The following IRAK1BP1 variants were observed in gnomAD, a reference collection of about 807,000 sequenced individuals.
IRAK1BP1 encodes interleukin-1 receptor-associated kinase 1-binding protein 1.
A neutral mutation model predicts 28.0 loss-of-function variants in IRAK1BP1; 24 were observed. The ratio of observed to expected loss-of-function variants is 0.86; its 90% confidence interval spans 0.62 to 1.20. IRAK1BP1 has a LOEUF of 1.20. Ranked by LOEUF, IRAK1BP1 falls within the 50% of genes most tolerant of loss-of-function variation. The pLI is 0.00. For missense variants in IRAK1BP1, 336 were observed against 316.7 expected (o/e 1.06, Z -0.46); for synonymous variants, 131 against 116.3 (o/e 1.13, Z -0.81).
At chr6:78,931,861 C>T (rs1172693952) in intron 4 of IRAK1BP1, among the ~76,000 whole-genome samples, 3 of 152,154 alleles carry the variant, frequency 2.0e-5, no homozygotes, top group Non-Finnish European at 4.4e-5. Context: ...ATCCATTGGA[C>T]TCTTCCTTTC....
the IRAK1BP1 span, among the ~76,000 whole-genome samples, chr6:78,960,096 G>A: frequency 2.0e-5 from 3 of 152,008 alleles, no homozygotes; most frequent in Non-Finnish European, 4.4e-5. Context: ...TACATCACAA[G>A]CCCAGAAAAA....
At position 78,898,413 on chromosome 6, in the gene IRAK1BP1, T is replaced by C. The variant is rs1182100290; in HGVS notation, c.*79T>C. 1 of 111,612 alleles carries C rather than the reference T, an allele frequency of 9.0e-6. No homozygotes were observed. Among genetic ancestry groups the C allele is most frequent in the Admixed American group, 9.4e-5 (1 of 10,616 alleles). The allele number at this position is 111,612 out of a possible 1,614,324, so 6.9% of individuals were successfully genotyped here. A position where few individuals can be genotyped will look rare whatever the true frequency, so the allele number is the denominator to read the frequency against. On this transcript the variant is annotated 3_prime_UTR_variant, in exon 4 of 4. Transcript: ENST00000369940. ...TTATAATGTTTACGTTTGTCCTGAA[T>C]ATATATATATATATATATATATATA...
In IRAK1BP1 at chr6:78,898,431, T is replaced by TATATAC. The variant is rs1771980575; in HGVS notation, c.*102_*103insCATATA. On this transcript the variant is annotated 3_prime_UTR_variant, in exon 4 of 4. Coordinates refer to ENST00000369940, the MANE Select transcript of IRAK1BP1 (RefSeq NM_001010844.4). ...TCCTGAATATATATATATATATATATATATATATATATATGGTATAGGAGA... is the reference window on the plus strand; with the variant it reads ...TCCTGAATATATATATATATATATATATATACATATATATATATATGGTATAGGAGA... 6.1e-6 allele frequency: 1 copy of TATATAC among 164,236 alleles called. No individual in the cohort carries two copies. The highest frequency in any genetic ancestry group is 6.9e-5 in the Admixed American group (1 of 14,402). The allele number at this position is 164,236 out of a possible 1,614,324, so 10.2% of individuals were successfully genotyped here.
rs926360997 is a variant in IRAK1BP1, at chr6:78,902,448, C to T, written c.*4114C>T. 2 of 153,238 alleles carry T rather than the reference C, an allele frequency of 1.3e-5. No individual in the cohort carries two copies. Among genetic ancestry groups the T allele is most frequent in the Non-Finnish European group, 2.9e-5 (2 of 68,760 alleles). 9.5% of individuals were successfully genotyped at this position (153,238 alleles called of 1,614,324 possible). A position where few individuals can be genotyped will look rare whatever the true frequency, so the allele number is the denominator to read the frequency against. ...CACCCAGCCCCAAATAGCTTCTACTCATAACCTAGTGTGGCCTAAATTTAT... is the reference window on the plus strand; with the variant it reads ...CACCCAGCCCCAAATAGCTTCTACTTATAACCTAGTGTGGCCTAAATTTAT... On this transcript the variant is annotated 3_prime_UTR_variant, in exon 4 of 4. Transcript: ENST00000369940.
chr6:78,919,006 A>G (rs1239886880), intron 4 of IRAK1BP1, among the ~76,000 whole-genome samples: 1 of 152,192 alleles, frequency 6.6e-6, no homozygotes. Flanking sequence ...AACATACTCT[A>G]TGACCACAGT....
intron 4 of IRAK1BP1, among the ~76,000 whole-genome samples, chr6:78,943,209 A>G (rs1248788406): frequency 6.6e-6 from 1 of 152,202 alleles, no homozygotes; most frequent in African/African-American, 2.4e-5. Flanking sequence ...ATATTCCACT[A>G]GACAACACTG....
chr6:78,876,017 A>C (rs1375743401), intron 1 of IRAK1BP1, among the ~76,000 whole-genome samples: 1 of 152,076 alleles, frequency 6.6e-6, no homozygotes, highest in African/African-American at 2.4e-5. Flanking sequence ...TGTTATCATC[A>C]TGATTTGTGC....
At chr6:78,950,584 G>C (rs746334467), downstream of IRAK1BP1, among the ~76,000 whole-genome samples, 1 of 151,928 alleles carries the variant, frequency 6.6e-6, no homozygotes, top group Admixed American at 6.6e-5. Context: ...TTTGAATATC[G>C]GTCTATTTCA....
rs149665722 is a variant in IRAK1BP1 at position 78,916,785 on chromosome 6, CA to C, written c.*67+13685del. ...GACATCAGAGCACTCTAAAACAATA[CA>C]AAAAAAAAATAGCCGGACATGGTGG... is the stretch of plus-strand genomic sequence containing the variant. On this transcript the variant is annotated intron_variant and NMD_transcript_variant, in intron 4 of 4. Coordinates refer to the IRAK1BP1 transcript ENST00000606868. Among the ~76,000 whole-genome samples the C allele has an allele frequency of 3.9e-3, 572 of 147,364 alleles. 3 individuals carry two copies. Among genetic ancestry groups the C allele is most frequent in the African/African-American group, 0.011 (441 of 40,156 alleles).
At chr6:78,880,616 G>T (rs1581999285) in intron 1 of IRAK1BP1, among the ~76,000 whole-genome samples, 1 of 152,106 alleles carries the variant, frequency 6.6e-6, no homozygotes, top group South Asian at 2.1e-4. Flanking sequence ...TAGACTGGGA[G>T]AAAATATTTG....
the IRAK1BP1 span, among the ~76,000 whole-genome samples, chr6:78,977,859 G>T: frequency 1.2e-4 from 19 of 152,024 alleles, no homozygotes; most frequent in African/African-American, 4.1e-4. Context: ...AAAAGTTTTT[G>T]TTTTCTTTTT....
the IRAK1BP1 span, among the ~76,000 whole-genome samples, chr6:78,971,728 G>C: frequency 3.3e-5 from 5 of 152,146 alleles, no homozygotes; most frequent in Admixed American, 6.5e-5. Context: ...AGCACAGGGA[G>C]TCAGGGAGTT....
chr6:78,923,020 G>A (rs1378319336), intron 4 of IRAK1BP1, among the ~76,000 whole-genome samples: 5 of 152,032 alleles, frequency 3.3e-5, no homozygotes, highest in Admixed American at 1.3e-4. Context: ...ATCAACTAAC[G>A]AGCAAAATAA....
the IRAK1BP1 span, among the ~76,000 whole-genome samples, chr6:78,954,116 T>C: frequency 2.0e-5 from 3 of 152,322 alleles, no homozygotes; most frequent in African/African-American, 7.2e-5. Flanking sequence ...TTGTTTGCTT[T>C]TGAGACTCAG....
the IRAK1BP1 span, chr6:78,978,744 T>C: frequency 2.8e-5 from 43 of 1,542,754 alleles, no homozygotes; most frequent in Admixed American, 7.3e-4. Context: ...TGTTAAGTAA[T>C]AATCAAAAAA....
intron 4 of IRAK1BP1, chr6:78,940,169 T>A (rs1773415758): frequency 6.6e-6 from 1 of 152,054 alleles, no homozygotes. Context: ...GGGTATCAAA[T>A]GGTGGAAATT....
intron 2 of IRAK1BP1, among the ~76,000 whole-genome samples, chr6:78,889,681 A>G (rs748421365): frequency 1.3e-5 from 2 of 152,168 alleles, no homozygotes; most frequent in Non-Finnish European, 2.9e-5. Context: ...GCTCATCATC[A>G]CCGGTCATTA....
chr6:78,918,323 A>T (rs867120562), intron 4 of IRAK1BP1, among the ~76,000 whole-genome samples: 19 of 152,182 alleles, frequency 1.2e-4, no homozygotes, highest in African/African-American at 2.6e-4. Flanking sequence ...TAAAATATCA[A>T]TATTAACCCA....
chr6:78,946,286 C>A, exon 5 of IRAK1BP1: 1 of 1,599,204 alleles, frequency 6.3e-7, no homozygotes, highest in Non-Finnish European at 8.5e-7. Context: ...TATTGTCAGT[C>A]ACTCTTATAG....
Sources: allele counts gnomAD v4.1 joint callset (sites outside exome capture counted in the v4.1 genomes callset), GRCh38; gene constraint gnomAD v4.1.1; transcripts MANE v1.5; gene names NCBI Gene and HGNC (gene_info 2026-07-23, HGNC 2026-07-21).